ART3: variants seen among roughly 807,000 people sequenced by gnomAD.
ART3 encodes ADP-ribosyltransferase 3 (inactive).
Under a neutral mutation model 48.5 loss-of-function variants are expected in ART3, and 49 were observed. The ratio of observed to expected loss-of-function variants is 1.01; its 90% confidence interval spans 0.80 to 1.28. The LOEUF is 1.28. ART3 is among the 50% of genes most tolerant of loss of function. The pLI, the probability that ART3 is intolerant of heterozygous loss-of-function variation, is 0.00. For synonymous variants in ART3, 145 were observed against 157.2 expected (o/e 0.92, Z 0.58); for missense variants, 438 against 454.3 (o/e 0.96, Z 0.33).
intron 1 of ART3, among the ~76,000 whole-genome samples, chr4:76,055,894 T>G (rs1001892711): frequency 2.6e-5 from 4 of 152,342 alleles, no homozygotes; most frequent in Non-Finnish European, 4.4e-5. Flanking sequence ...TTCCAGGGAC[T>G]GGGTAAAAAG....
chr4:76,052,979 T>G (rs1389436276), intron 1 of ART3, among the ~76,000 whole-genome samples: 2 of 152,176 alleles, frequency 1.3e-5, no homozygotes, highest in East Asian at 1.9e-4. Flanking sequence ...TCCACCTGCC[T>G]CAGCCTCCCA....
At chr4:76,032,715 G>T (rs960814574) in intron 1 of ART3, among the ~76,000 whole-genome samples, 1 of 151,606 alleles carries the variant, frequency 6.6e-6, no homozygotes, top group Non-Finnish European at 1.5e-5. Flanking sequence ...TTCCTGAGTA[G>T]CTGGGATTAC....
At chr4:76,071,848 T>C (rs1396381639), upstream of ART3, among the ~76,000 whole-genome samples, 1 of 152,240 alleles carries the variant, frequency 6.6e-6, no homozygotes, top group East Asian at 1.9e-4. Context: ...CCACATCTAG[T>C]TTGTCAGTAC....
chr4:76,059,945 G>C (rs1719047547), intron 1 of ART3, among the ~76,000 whole-genome samples: 1 of 152,174 alleles, frequency 6.6e-6, no homozygotes, highest in Non-Finnish European at 1.5e-5. Context: ...GAAGAAATCT[G>C]TTTGTGAGTC....
upstream of ART3, among the ~76,000 whole-genome samples, chr4:76,070,739 T>G (rs765332665): frequency 1.1e-4 from 16 of 152,190 alleles, no homozygotes; most frequent in Non-Finnish European, 1.8e-4. Flanking sequence ...CTCCAATTTC[T>G]TCAAGTCTCT....
chr4:76,075,980 AT>A (rs1365308981), intron 2 of ART3, 22 bp downstream of exon 2: 1 of 1,504,356 alleles, frequency 6.6e-7, no homozygotes, highest in South Asian at 1.2e-5. Context: ...AATGGGAAGC[AT>A]GTGGTCATTG....
intron 5 of ART3, chr4:76,099,199 G>A (rs1419367298): frequency 2.0e-6 from 1 of 498,564 alleles, no homozygotes; most frequent in Admixed American, 3.0e-5. Context: ...CTACTTGGGA[G>A]GCTGAGGCAG....
intron 1 of ART3, among the ~76,000 whole-genome samples, chr4:76,051,022 C>G (rs1736027906): frequency 6.6e-6 from 1 of 152,248 alleles, no homozygotes; most frequent in Non-Finnish European, 1.5e-5. Context: ...AGCCCTGGTT[C>G]CCGCTGGCGC....
intron 11 of ART3, among the ~76,000 whole-genome samples, chr4:76,110,063 A>G (rs1423621593): frequency 1.3e-5 from 2 of 152,162 alleles, no homozygotes; most frequent in East Asian, 3.9e-4. Flanking sequence ...TTCAAATGAA[A>G]GGGAAAGAGT....
intron 1 of ART3, chr4:76,035,404 TA>T: frequency 6.4e-7 from 1 of 1,557,162 alleles, no homozygotes; most frequent in Non-Finnish European, 8.8e-7. Context: ...CTGTGGTTTA[TA>T]GCTGGTGGTG....
intron 1 of ART3, chr4:76,036,196 C>T: frequency 1.9e-6 from 1 of 532,770 alleles, no homozygotes; most frequent in Non-Finnish European, 3.3e-6. Flanking sequence ...GTTTTGTTCT[C>T]TTCTAAATGT....
chr4:76,059,443 T>C (rs1578364812), intron 1 of ART3, among the ~76,000 whole-genome samples: 1 of 151,886 alleles, frequency 6.6e-6, no homozygotes, highest in East Asian at 1.9e-4. Flanking sequence ...TTGACTATAA[T>C]ATGGAATTGA....
At chr4:76,046,628 G>A (rs546793799) in intron 1 of ART3, among the ~76,000 whole-genome samples, 1 of 152,042 alleles carries the variant, frequency 6.6e-6, no homozygotes, top group East Asian at 1.9e-4. Context: ...TCCTTCCAAT[G>A]CCCAGACTTC....
chr4:76,098,820 T>C (rs768314154), intron 4 of ART3, 135 bp from the exon 5 acceptor site: 83 of 699,556 alleles, frequency 1.2e-4, no homozygotes, highest in Middle Eastern at 2.9e-4. Context: ...ATATCTGTTA[T>C]AGTAACTGTA....
intron 1 of ART3, among the ~76,000 whole-genome samples, chr4:76,044,989 C>A (rs1249682451): frequency 1.3e-5 from 2 of 152,090 alleles, no homozygotes; most frequent in Non-Finnish European, 2.9e-5. Flanking sequence ...GATAAGCATA[C>A]TTGTTATCTG....
Position 76,097,625 on chromosome 4 carries a change from C to T in ART3, c.782-19C>T. ...GGTATATTATGTCTAACTAATAAAGCTTTATCTTTGTGTTTCAGGACTAAA... is the reference window on the plus strand; with the variant it reads ...GGTATATTATGTCTAACTAATAAAGTTTTATCTTTGTGTTTCAGGACTAAA... On this transcript the variant is annotated intron_variant, in intron 3 of 11. Coordinates refer to ENST00000355810, the MANE Select transcript of ART3 (RefSeq NM_001130016.3). 1.3e-6 allele frequency: 2 copies of T among 1,597,520 alleles called. No homozygotes were observed. Among genetic ancestry groups the T allele is most frequent in the Admixed American group, 1.7e-5 (1 of 59,860 alleles).
rs778344552 is a variant in ART3 at position 76,035,066 on chromosome 4, T to A, written c.-10+23746T>A. The A allele has an allele frequency of 3.1e-5, 50 of 1,613,600 alleles. No homozygotes were observed. The highest frequency in any genetic ancestry group is 4.2e-5 in the Non-Finnish European group (49 of 1,179,634). ...ACTTACTTTGATTATAAGCCTTGCT[T>A]GCTTCGATTTGGGATTTAGGCATCG... On this transcript the variant is annotated intron_variant, in intron 1 of 9. Transcript: ENST00000341029.
intron 1 of ART3, among the ~76,000 whole-genome samples, chr4:76,033,456 C>A (rs1179396396): frequency 1.3e-5 from 2 of 152,152 alleles, no homozygotes. Context: ...TGGCTTCTCT[C>A]TTTTGGCCTC....
At chr4:76,100,359 G>T in intron 6 of ART3, 39 bp downstream of exon 6, 5 of 1,591,576 alleles carry the variant, frequency 3.1e-6, no homozygotes, top group South Asian at 1.1e-5. Flanking sequence ...TTGGCCAGGC[G>T]TGGTGGCTTA....
Sources: allele counts gnomAD v4.1 joint callset (sites outside exome capture counted in the v4.1 genomes callset), GRCh38; gene constraint gnomAD v4.1.1; transcripts MANE v1.5; gene names NCBI Gene and HGNC (gene_info 2026-07-23, HGNC 2026-07-21).